FCHSD2: variants seen among roughly 807,000 people sequenced by gnomAD.
FCHSD2 encodes FCH and double SH3 domains 2.
Under a neutral mutation model 108.1 loss-of-function variants are expected in FCHSD2, and 38 were observed. The ratio of observed to expected loss-of-function variants is 0.35; its 90% CI spans 0.27 to 0.46. FCHSD2 has a LOEUF of 0.46. Among genes scored for constraint, FCHSD2 ranks in the 20% least tolerant of loss-of-function variants. FCHSD2 has a pLI of 1.00. For synonymous variants in FCHSD2, 279 were observed against 314.7 expected (o/e 0.89, Z 1.20); for missense variants, 751 against 897.8 (o/e 0.84, Z 2.09).
intron 8 of FCHSD2, among the ~76,000 whole-genome samples, chr11:72,980,718 G>A (rs1431659473): frequency 2.7e-5 from 4 of 148,740 alleles, no homozygotes; most frequent in Non-Finnish European, 4.5e-5. Flanking sequence ...GTATATATAT[G>A]TATGTGTATA....
At chr11:73,016,377 T>C (rs1473145002) in intron 3 of FCHSD2, among the ~76,000 whole-genome samples, 1 of 151,802 alleles carries the variant, frequency 6.6e-6, no homozygotes, top group Non-Finnish European at 1.5e-5. Flanking sequence ...TGATAAATGG[T>C]AGAACACTAC....
chr11:72,891,312 A>G (rs1262869885), intron 10 of FCHSD2, among the ~76,000 whole-genome samples: 1 of 152,232 alleles, frequency 6.6e-6, no homozygotes, highest in African/African-American at 2.4e-5. Flanking sequence ...AAAAATTAAT[A>G]TTTTTGTTGG....
At chr11:72,903,256 G>A (rs376176748) in intron 9 of FCHSD2, among the ~76,000 whole-genome samples, 29 of 151,814 alleles carry the variant, frequency 1.9e-4, no homozygotes, top group African/African-American at 5.1e-4. Context: ...TCGCTCTGTC[G>A]CCTGGGCTGG....
At chr11:73,019,680 TG>T (rs1460309833) in intron 3 of FCHSD2, among the ~76,000 whole-genome samples, 2 of 152,196 alleles carry the variant, frequency 1.3e-5, no homozygotes. Flanking sequence ...TCCATGCAGC[TG>T]TTCAAGATCT....
At chr11:72,874,772 A>G (rs1003278890) in intron 12 of FCHSD2, among the ~76,000 whole-genome samples, 4 of 152,156 alleles carry the variant, frequency 2.6e-5, no homozygotes, top group Non-Finnish European at 4.4e-5. Context: ...TCCCTTTAGG[A>G]TTTCAGTTGC....
At chr11:73,127,566 A>G (rs1860887765) in intron 2 of FCHSD2, among the ~76,000 whole-genome samples, 1 of 152,170 alleles carries the variant, frequency 6.6e-6, no homozygotes, top group African/African-American at 2.4e-5. Flanking sequence ...AACAACATAG[A>G]ATGGCATCTG....
intron 8 of FCHSD2, among the ~76,000 whole-genome samples, chr11:72,927,454 T>C (rs889686218): frequency 2.0e-5 from 3 of 152,150 alleles, no homozygotes; most frequent in African/African-American, 4.8e-5. Flanking sequence ...TGATGGGGGA[T>C]GTTGATAGTG....
chr11:72,897,585 C>T (rs898304498), intron 10 of FCHSD2, among the ~76,000 whole-genome samples: 1 of 152,054 alleles, frequency 6.6e-6, no homozygotes, highest in African/African-American at 2.4e-5. Context: ...CCCATGGAAA[C>T]CAAGGGACAA....
intron 8 of FCHSD2, chr11:72,983,879 T>C (rs1340957373): frequency 3.1e-6 from 2 of 653,420 alleles, no homozygotes; most frequent in South Asian, 1.5e-5. Context: ...TCCTTTACTG[T>C]GACTTGTCTG....
At chr11:72,920,083 G>T (rs886661268) in intron 9 of FCHSD2, among the ~76,000 whole-genome samples, 1 of 151,994 alleles carries the variant, frequency 6.6e-6, no homozygotes, top group Admixed American at 6.6e-5. Context: ...AGAAGCTTGA[G>T]AAAGAACAAT....
intron 13 of FCHSD2, among the ~76,000 whole-genome samples, chr11:72,855,853 T>C (rs1007303318): frequency 6.6e-6 from 1 of 152,124 alleles, no homozygotes; most frequent in African/African-American, 2.4e-5. Flanking sequence ...GACTGGAGAA[T>C]AGAGGAAATG....
At chr11:73,130,484 A>G (rs1860971799) in intron 2 of FCHSD2, among the ~76,000 whole-genome samples, 1 of 152,214 alleles carries the variant, frequency 6.6e-6, no homozygotes. Flanking sequence ...AGTATCCTCT[A>G]TTCATGTCTA....
At chr11:73,103,401 T>C (rs1400810091) in intron 2 of FCHSD2, among the ~76,000 whole-genome samples, 16 of 152,178 alleles carry the variant, frequency 1.1e-4, no homozygotes, top group Admixed American at 9.2e-4. Context: ...TTAACCTGCT[T>C]CCATTTTTAT....
intron 4 of FCHSD2, among the ~76,000 whole-genome samples, chr11:73,007,203 T>C (rs1156437071): frequency 6.6e-6 from 1 of 152,198 alleles, no homozygotes; most frequent in Non-Finnish European, 1.5e-5. Flanking sequence ...TTATAACTAG[T>C]AAAATACAAA....
At chr11:73,019,404 A>C (rs879517644) in intron 3 of FCHSD2, among the ~76,000 whole-genome samples, 3 of 152,196 alleles carry the variant, frequency 2.0e-5, no homozygotes, top group Non-Finnish European at 4.4e-5. Flanking sequence ...TAGAATCCAA[A>C]GTTACCATGT....
At position 72,913,521 on chromosome 11, in the gene FCHSD2, G is replaced by A. The variant is rs1478825347; in HGVS notation, c.828+8307C>T. Among the ~76,000 whole-genome samples the A allele has an allele frequency of 3.9e-5, 6 of 152,082 alleles. No homozygotes were observed. In the East Asian group the frequency reaches 1.2e-3, roughly 29 times the overall value. Reference sequence around the variant, plus strand: ...TGGCCTCAAGTGATCCACCCACCTTGGCCTCCCAAAGTGCTGTGATTACAT... The same window carrying A: ...TGGCCTCAAGTGATCCACCCACCTTAGCCTCCCAAAGTGCTGTGATTACAT... On this transcript the variant is annotated intron_variant, in intron 9 of 19. Transcript: ENST00000409418.
intron 9 of FCHSD2, among the ~76,000 whole-genome samples, chr11:72,907,752 GGCT>G (rs1431127054): frequency 3.3e-5 from 5 of 151,688 alleles, no homozygotes; most frequent in African/African-American, 1.2e-4. Context: ...CACCACGCCT[GGCT>G]GCTAATTTTT....
chr11:73,096,987 ATTTTTTTTTT>A lies in FCHSD2; in HGVS notation c.120-13257_120-13248del, dbSNP rs60223064. Among the ~76,000 whole-genome samples the A allele has an allele frequency of 1.4e-3, 38 of 27,044 alleles. 1 individual carries two copies. The East Asian group carries it at 0.043, about 30-fold the overall frequency. The allele number at this position is 27,044 out of a possible 152,430, so 17.7% of individuals were successfully genotyped here. A position where few individuals can be genotyped will look rare whatever the true frequency, so the allele number is the denominator to read the frequency against. On this transcript the variant is annotated intron_variant, in intron 2 of 19. Transcript: ENST00000409418. ...CTAATGTGATGTATTTCATTGATGGATTTTTTTTTTTTTTTTTTTTTTTTTTTTTGATGAG... is the reference window on the plus strand; with the variant it reads ...CTAATGTGATGTATTTCATTGATGGATTTTTTTTTTTTTTTTTTTGATGAG...
intron 8 of FCHSD2, among the ~76,000 whole-genome samples, chr11:72,969,284 C>T (rs567836053): frequency 6.6e-6 from 1 of 152,308 alleles, no homozygotes; most frequent in African/African-American, 2.4e-5. Flanking sequence ...CCTCTTGGAT[C>T]ATGTTAGAAT....
Sources: allele counts gnomAD v4.1 joint callset (sites outside exome capture counted in the v4.1 genomes callset), GRCh38; gene constraint gnomAD v4.1.1; transcripts MANE v1.5; gene names NCBI Gene and HGNC (gene_info 2026-07-23, HGNC 2026-07-21).